Variants in ERC2 observed in about 807,000 individuals in gnomAD.
ERC2 encodes ERC protein 2.
ERC2 carries 42 observed loss-of-function variants against 114.8 expected under a neutral mutation model. The ratio of observed to expected loss-of-function variants is 0.37; its 90% CI spans 0.29 to 0.47. The LOEUF (loss-of-function observed/expected upper bound fraction) is 0.47, where lower values mean the gene tolerates loss of function less well. ERC2 is among the 20% of genes least tolerant of loss of function. ERC2 has a pLI of 0.99. For synonymous variants in ERC2, 454 were observed against 425.5 expected (o/e 1.07, Z -0.82); for missense variants, 939 against 1,150.7 (o/e 0.82, Z 2.66).
At chr3:55,855,880 T>C (rs1168007900) in intron 14 of ERC2, among the ~76,000 whole-genome samples, 1 of 152,196 alleles carries the variant, frequency 6.6e-6, no homozygotes, top group Non-Finnish European at 1.5e-5. Context: ...TACTTTGGCT[T>C]TACATAAAAA....
intron 14 of ERC2, among the ~76,000 whole-genome samples, chr3:55,802,001 A>G (rs1332903741): frequency 6.6e-6 from 1 of 152,214 alleles, no homozygotes; most frequent in Non-Finnish European, 1.5e-5. Flanking sequence ...TGTTTCAGGG[A>G]CCACACTCTG....
intron 6 of ERC2, among the ~76,000 whole-genome samples, chr3:56,127,704 T>C (rs568867012): frequency 2.8e-5 from 4 of 144,042 alleles, no homozygotes; most frequent in East Asian, 4.1e-4. Flanking sequence ...GCCTGAATGA[T>C]AGAGCAAAAC....
chr3:55,984,231 T>A (rs879481541), intron 12 of ERC2, among the ~76,000 whole-genome samples: 26 of 152,096 alleles, frequency 1.7e-4, no homozygotes, highest in South Asian at 8.3e-4. Flanking sequence ...TGGACATCCA[T>A]CACCCCTTCC....
intron 3 of ERC2, among the ~76,000 whole-genome samples, chr3:56,263,331 C>T (rs145408427): frequency 2.0e-5 from 3 of 149,918 alleles, no homozygotes; most frequent in Non-Finnish European, 3.0e-5. Context: ...TAGCAGTCTA[C>T]TTAAGTAGCC....
intron 6 of ERC2, among the ~76,000 whole-genome samples, chr3:56,104,178 T>C (rs1397176377): frequency 6.8e-6 from 1 of 147,332 alleles, no homozygotes; most frequent in Non-Finnish European, 1.5e-5. Context: ...AGCAAATCTT[T>C]GCCCAGAAAA....
intron 3 of ERC2, among the ~76,000 whole-genome samples, chr3:56,226,144 C>T (rs561656854): frequency 1.1e-4 from 17 of 152,270 alleles, no homozygotes; most frequent in African/African-American, 3.9e-4. Context: ...AAATTACCTA[C>T]CTACAAAAGA....
chr3:56,011,519 T>C (rs927361270), intron 8 of ERC2, among the ~76,000 whole-genome samples: 4 of 152,130 alleles, frequency 2.6e-5, no homozygotes, highest in Admixed American at 2.6e-4. Context: ...GGTCTGCCTT[T>C]GACTTTCACA....
At chr3:55,573,939 C>T (rs1179924741) in intron 17 of ERC2, among the ~76,000 whole-genome samples, 1 of 152,120 alleles carries the variant, frequency 6.6e-6, no homozygotes, top group African/African-American at 2.4e-5. Context: ...CATCACCAAA[C>T]AGCTGTCAAT....
intron 14 of ERC2, among the ~76,000 whole-genome samples, chr3:55,742,388 T>G (rs1262089743): frequency 2.6e-5 from 4 of 152,224 alleles, no homozygotes; most frequent in Non-Finnish European, 5.9e-5. Flanking sequence ...GGCAGGCCAA[T>G]TAGGAACTAT....
intron 7 of ERC2, among the ~76,000 whole-genome samples, chr3:56,043,089 A>C (rs944975863): frequency 6.6e-6 from 1 of 152,198 alleles, no homozygotes; most frequent in African/African-American, 2.4e-5. Flanking sequence ...AGCGGCCAAG[A>C]GGTCTGGAGC....
chr3:56,307,758 G>A (rs567525148), intron 2 of ERC2, among the ~76,000 whole-genome samples: 136 of 152,036 alleles, frequency 8.9e-4, no homozygotes, highest in Non-Finnish European at 1.7e-3. Context: ...TGTTCTGTTG[G>A]GGGAGTAGTG....
At chr3:56,286,414 CAA>C (rs778645110) in intron 3 of ERC2, among the ~76,000 whole-genome samples, 8 of 30,328 alleles carry the variant, frequency 2.6e-4, no homozygotes, top group East Asian at 1.3e-3. Context: ...AACTCCATCT[CAA>C]AAAAAAAAAA....
rs531372356 is a variant in ERC2 at position 55,888,754 on chromosome 3, T to C, written c.2404-205A>G. Among the ~76,000 whole-genome samples the C allele has an allele frequency of 4.0e-5, 6 of 151,276 alleles. No homozygotes were observed. In the South Asian group the frequency reaches 1.3e-3, roughly 32 times the overall value. On this transcript the variant is annotated intron_variant, in intron 13 of 17. Transcript: ENST00000288221. ...GAATGATATAATGGACTCTGGGGAG[T>C]TGTGGGGAAAGGCTGGGAGGGGGTT...
chr3:55,828,401 C>T (rs964929093), intron 14 of ERC2, among the ~76,000 whole-genome samples: 1 of 150,098 alleles, frequency 6.7e-6, no homozygotes, highest in Non-Finnish European at 1.5e-5. Context: ...GGGAGAAAAT[C>T]CCTATTTTGT....
chr3:55,811,857 T>C (rs1298309946), intron 14 of ERC2, among the ~76,000 whole-genome samples: 7 of 152,198 alleles, frequency 4.6e-5, no homozygotes, highest in Non-Finnish European at 1.0e-4. Flanking sequence ...AAATTTAATG[T>C]TATTTTATTT....
chr3:56,032,885 AAGAGAGAGAGAGAGAC>A lies in ERC2; in HGVS notation c.1642-13870_1642-13855del, dbSNP rs1219597528. ...AAAGAAAGAAAGAAAGAAAGAAAGA[AAGAGAGAGAGAGAGAC>A]AGAAAGAAAGAAAGAAAGAAAGAAA... On this transcript the variant is annotated intron_variant, in intron 7 of 17. Coordinates refer to ENST00000288221, the MANE Select transcript of ERC2 (RefSeq NM_015576.3). Among the ~76,000 whole-genome samples, 414 of 78,874 alleles carry A rather than the reference AAGAGAGAGAGAGAGAC, an allele frequency of 5.2e-3. 4 individuals are homozygous for A. The highest frequency in any genetic ancestry group is 9.9e-3 in the East Asian group (23 of 2,326). 51.7% of individuals were successfully genotyped at this position (78,874 alleles called of 152,430 possible).
chr3:56,161,791 G>T (rs973611053), intron 4 of ERC2, among the ~76,000 whole-genome samples: 1 of 152,116 alleles, frequency 6.6e-6, no homozygotes, highest in Non-Finnish European at 1.5e-5. Flanking sequence ...TCTTTTGGCA[G>T]TCGTTAGGGT....
In ERC2 at chr3:56,275,370, A is replaced by G. The variant is rs537198095; in HGVS notation, c.1074+20649T>C. Among the ~76,000 whole-genome samples, 10 of 152,308 alleles carry G rather than the reference A, an allele frequency of 6.6e-5. No homozygotes were observed. The East Asian group carries it at 1.2e-3, about 18-fold the overall frequency. On this transcript the variant is annotated intron_variant, in intron 3 of 17. Transcript: ENST00000288221. ...AGAAGCCAGCCCAGTTGAGATTCTA[A>G]TAAGGGTTGGGTATACCCTTCTTGT...
At chr3:56,193,243 C>A (rs1175250411) in intron 3 of ERC2, among the ~76,000 whole-genome samples, 2 of 152,120 alleles carry the variant, frequency 1.3e-5, no homozygotes, top group Non-Finnish European at 2.9e-5. Flanking sequence ...AAACTGTGTG[C>A]TGGCTCACGT....
Sources: gnomAD v4.1 joint callset for allele counts (sites outside exome capture counted in the v4.1 genomes callset) on GRCh38, gnomAD v4.1.1 for gene constraint, MANE v1.5 for transcripts, NCBI Gene and HGNC (gene_info 2026-07-23, HGNC 2026-07-21) for gene names.